The following INIP variants were observed in gnomAD, a reference collection of about 807,000 sequenced individuals.
The protein encoded by INIP is SOSS complex subunit C.
A neutral mutation model predicts 14.0 loss-of-function variants in INIP; 9 were observed. The ratio of observed to expected loss-of-function variants is 0.64; its 90% CI spans 0.39 to 1.12. INIP has a LOEUF of 1.12. INIP is among the 50% of genes most tolerant of loss of function. The pLI is 0.01. For synonymous variants in INIP, 37 were observed against 41.5 expected (o/e 0.89, Z 0.41); for missense variants, 78 against 122.7 (o/e 0.64, Z 1.72).
At chr9:112,702,295 C>T (rs1197262103) in intron 2 of INIP, among the ~76,000 whole-genome samples, 2 of 151,920 alleles carry the variant, frequency 1.3e-5, no homozygotes, top group Admixed American at 6.6e-5. Context: ...GAAGTACAGC[C>T]AACAATGGAA....
intron 2 of INIP, among the ~76,000 whole-genome samples, chr9:112,711,718 C>A (rs1187018885): frequency 6.6e-6 from 1 of 152,170 alleles, no homozygotes; most frequent in Non-Finnish European, 1.5e-5. Context: ...ACAAATCGCA[C>A]ATGGCTATGT....
At chr9:112,712,984 T>C (rs1357954236) in intron 2 of INIP, among the ~76,000 whole-genome samples, 1 of 152,044 alleles carries the variant, frequency 6.6e-6, no homozygotes, top group Non-Finnish European at 1.5e-5. Context: ...ACACATTACA[T>C]ACAGGATAAG....
At chr9:112,708,492 A>T (rs75457255) in intron 2 of INIP, among the ~76,000 whole-genome samples, 4,636 of 152,276 alleles carry the variant, frequency 0.03, 260 homozygotes, top group African/African-American at 0.11. Flanking sequence ...TGATGGATTC[A>T]ATATGAAGGA....
At chr9:112,711,452 TTAC>T (rs140914049) in intron 2 of INIP, among the ~76,000 whole-genome samples, 2,437 of 152,296 alleles carry the variant, frequency 0.016, 67 homozygotes, top group African/African-American at 0.056. Flanking sequence ...GATTGCGTTT[TTAC>T]TACAACTACG....
At chr9:112,710,258 A>C (rs1192982465) in intron 2 of INIP, among the ~76,000 whole-genome samples, 2 of 152,230 alleles carry the variant, frequency 1.3e-5, no homozygotes, top group African/African-American at 2.4e-5. Context: ...GGACTGGCCC[A>C]AAATCAATAG....
Position 112,714,832 on chromosome 9 carries a change from G to GTTAT in INIP, c.25+1625_25+1628dup, listed in dbSNP as rs144476166. On this transcript the variant is annotated intron_variant, in intron 2 of 4. Transcript: ENST00000374242. ...GAAATTCATTGTTAGGTGATTTTGT[G>GTTAT]TTATGCAAACATCAGAGTGTACTTA... Among the ~76,000 whole-genome samples the GTTAT allele has an allele frequency of 2.5e-3, 385 of 152,250 alleles. 1 individual carries two copies. Among genetic ancestry groups the GTTAT allele is most frequent in the African/African-American group, 9.0e-3 (372 of 41,536 alleles).
intron 2 of INIP, among the ~76,000 whole-genome samples, chr9:112,698,664 C>A (rs1182068442): frequency 6.6e-6 from 1 of 152,168 alleles, no homozygotes; most frequent in Admixed American, 6.5e-5. Flanking sequence ...GTACCCCAAC[C>A]CTGACCCCAC....
rs1381589502 is a variant in INIP at position 112,684,887 on chromosome 9, C to A, written c.*2651G>T. 1 of 152,266 alleles carries A rather than the reference C, an allele frequency of 6.6e-6. No homozygotes were observed. Among genetic ancestry groups the A allele is most frequent in the Admixed American group, 6.5e-5 (1 of 15,278 alleles). 9.4% of individuals were successfully genotyped at this position (152,266 alleles called of 1,614,324 possible). A position where few individuals can be genotyped will look rare whatever the true frequency, so the allele number is the denominator to read the frequency against. On this transcript the variant is annotated 3_prime_UTR_variant, in exon 5 of 5. Transcript: ENST00000374242. The stretch of plus-strand genomic sequence containing the variant: ...TGAGGGAAGCAATGCTGACCTCCAC[C>A]TGAGGGCTTCCCAGTCCACTGCTGC...
chr9:112,687,901 T>A (rs558586415), intron 4 of INIP, among the ~76,000 whole-genome samples: 1 of 151,986 alleles, frequency 6.6e-6, no homozygotes, highest in Non-Finnish European at 1.5e-5. Context: ...CTGGCTAACG[T>A]GGTGAAACCC....
At chr9:112,714,088 G>T (rs971173050) in intron 2 of INIP, among the ~76,000 whole-genome samples, 5 of 151,418 alleles carry the variant, frequency 3.3e-5, no homozygotes, top group Non-Finnish European at 5.9e-5. Context: ...ACAAACAGAA[G>T]AATGAATAAA....
chr9:112,699,860 G>A (rs1838233386), intron 2 of INIP, among the ~76,000 whole-genome samples: 1 of 152,096 alleles, frequency 6.6e-6, no homozygotes, highest in Non-Finnish European at 1.5e-5. Context: ...CTTTAAGCCA[G>A]AGGTTCTCAT....
chr9:112,716,434 T>C lies in INIP; in HGVS notation c.25+27A>G, dbSNP rs757985205. ...ATTTACTATATTGGGGAAATGTTCA[T>C]AGTAAAGAAATTCCTGCTGTCATTA... On this transcript the variant is annotated intron_variant, in intron 2 of 4. Transcript: ENST00000374242. 3.1e-6 allele frequency: 5 copies of C among 1,605,094 alleles called. No homozygotes were observed. The African/African-American group carries it at 4.0e-5, about 13-fold the overall frequency.
At position 112,687,297 on chromosome 9, in the gene INIP, A is replaced by G. The variant is rs1837709239; in HGVS notation, c.*241T>C. ...TTCACAGTCTGATTGAGAGTTAAAC[A>G]GCATTACAAAAAAGTTACAGTCACG... On this transcript the variant is annotated 3_prime_UTR_variant, in exon 5 of 5. Coordinates refer to ENST00000374242, the MANE Select transcript of INIP (RefSeq NM_021218.3). 2.7e-6 allele frequency: 1 copy of G among 369,374 alleles called. No homozygotes were observed. Among genetic ancestry groups the G allele is most frequent in the East Asian group, 4.3e-5 (1 of 23,042 alleles). 22.9% of individuals were successfully genotyped at this position (369,374 alleles called of 1,614,324 possible). A position where few individuals can be genotyped will look rare whatever the true frequency, so the allele number is the denominator to read the frequency against.
At chr9:112,703,937 A>G (rs1033262803) in intron 2 of INIP, among the ~76,000 whole-genome samples, 4 of 152,232 alleles carry the variant, frequency 2.6e-5, no homozygotes, top group Admixed American at 1.3e-4. Context: ...ATAAAAAGAT[A>G]GTTGTAAAAA....
intron 2 of INIP, among the ~76,000 whole-genome samples, chr9:112,707,982 C>A (rs572494016): frequency 6.6e-6 from 1 of 152,314 alleles, no homozygotes; most frequent in South Asian, 2.1e-4. Context: ...CTATCACATA[C>A]AGGCACAAAG....
chr9:112,713,706 T>C (rs1193168932), intron 2 of INIP, among the ~76,000 whole-genome samples: 3 of 148,910 alleles, frequency 2.0e-5, no homozygotes, highest in Non-Finnish European at 4.5e-5. Flanking sequence ...AAAAGGTATC[T>C]GAGGCCGGGC....
intron 2 of INIP, among the ~76,000 whole-genome samples, chr9:112,694,854 T>C (rs1588075807): frequency 6.6e-6 from 1 of 152,224 alleles, no homozygotes; most frequent in Admixed American, 6.5e-5. Flanking sequence ...CAAAGAGATA[T>C]GGCCTTTGTC....
At chr9:112,709,005 C>T (rs1838567110) in intron 2 of INIP, among the ~76,000 whole-genome samples, 2 of 151,972 alleles carry the variant, frequency 1.3e-5, no homozygotes, top group African/African-American at 4.8e-5. Context: ...ACCAAAAATA[C>T]GTAACAAAGA....
At chr9:112,687,827 G>A (rs549037325) in intron 4 of INIP, among the ~76,000 whole-genome samples, 194 bp from the exon 5 acceptor site, 3 of 151,900 alleles carry the variant, frequency 2.0e-5, no homozygotes, top group Non-Finnish European at 4.4e-5. Context: ...GGCTCACACT[G>A]GTAATCCCAG....
Sources: gnomAD v4.1 joint callset for allele counts (sites outside exome capture counted in the v4.1 genomes callset) on GRCh38, gnomAD v4.1.1 for gene constraint, MANE v1.5 for transcripts, NCBI Gene and HGNC (gene_info 2026-07-23, HGNC 2026-07-21) for gene names.